ZNF451: variants seen among roughly 807,000 people sequenced by gnomAD.
ZNF451 encodes E3 SUMO-protein ligase ZNF451.
ZNF451 carries 80 observed loss-of-function variants against 107.1 expected under a neutral mutation model. That is an observed-to-expected ratio of 0.75 (90% CI 0.62 to 0.90). The LOEUF (loss-of-function observed/expected upper bound fraction) is 0.90. Ranked by LOEUF, ZNF451 falls within the 40% of genes least tolerant of loss-of-function variation. The probability of loss-of-function intolerance (pLI) is 0.00; values close to 1 mark genes in which losing one functional copy is unlikely to be tolerated. For synonymous variants in ZNF451, 362 were observed against 406.5 expected (o/e 0.89, Z 1.32); for missense variants, 1,107 against 1,236.2 (o/e 0.90, Z 1.57).
rs1593166533 is a variant in ZNF451, at chr6:57,153,804, C to G, written c.2884-57C>G. The G allele has an allele frequency of 1.9e-6, 3 of 1,561,934 alleles. No homozygotes were observed. The African/African-American group carries it at 4.1e-5, about 21-fold the overall frequency. On this transcript the variant is annotated intron_variant, in intron 12 of 14. Transcript: ENST00000370706. ...TGTGTTCATTCTGAAATAGATGTAA[C>G]TTGTTTTGAAACTCATGCTGATTTT...
chr6:57,108,899 C>G, intron 3 of ZNF451: 1 of 985,418 alleles, frequency 1.0e-6, no homozygotes, highest in South Asian at 4.7e-5. Flanking sequence ...GGTGGTGGAA[C>G]TGAGCTTTAA....
At chr6:57,103,592 A>C (rs748366156) in intron 3 of ZNF451, 1 of 985,394 alleles carries the variant, frequency 1.0e-6, no homozygotes. Flanking sequence ...GAATATGTCA[A>C]ATTTGAGGGG....
At chr6:57,165,438 A>ATGATTGAT (rs145906259) in intron 14 of ZNF451, 3 of 151,908 alleles carry the variant, frequency 2.0e-5, no homozygotes, top group African/African-American at 4.8e-5. Flanking sequence ...CTCATACTGG[A>ATGATTGAT]TGATTGATTG....
At chr6:57,109,751 T>C in intron 3 of ZNF451, 1 of 911,846 alleles carries the variant, frequency 1.1e-6, no homozygotes, top group Non-Finnish European at 1.3e-6. Flanking sequence ...TAAGAAATGC[T>C]CATAATAATA....
Position 57,157,485 on chromosome 6 carries a change from T to C in ZNF451, c.3070+3438T>C, listed in dbSNP as rs952089409. ...AAAGGTTAAGTAGCTTTATTACTGG[T>C]ACATTTTTAGGTCTCTGACTTGGTT... On this transcript the variant is annotated intron_variant, in intron 13 of 14. Transcript: ENST00000370706. 7.2e-5 allele frequency among the ~76,000 whole-genome samples: 11 copies of C among 152,194 alleles called. 1 individual carries two copies. Among genetic ancestry groups the C allele is most frequent in the Middle Eastern group, 6.3e-3 (2 of 316 alleles).
intron 7 of ZNF451, among the ~76,000 whole-genome samples, chr6:57,139,774 GGCTTAT>G (rs1194327917): frequency 6.6e-6 from 1 of 152,204 alleles, no homozygotes; most frequent in Admixed American, 6.5e-5. Flanking sequence ...CGAGCACAGT[GGCTTAT>G]GCCTGTAATC....
At chr6:57,103,330 A>C (rs1829694732) in intron 3 of ZNF451, 1 of 985,332 alleles carries the variant, frequency 1.0e-6, no homozygotes, top group Non-Finnish European at 1.2e-6. Flanking sequence ...ATGATTTGAA[A>C]GGCTGAAATC....
intron 4 of ZNF451, among the ~76,000 whole-genome samples, chr6:57,127,923 C>A (rs772855167): frequency 1.3e-5 from 2 of 152,104 alleles, no homozygotes; most frequent in African/African-American, 2.4e-5. Context: ...CTGCTATAAA[C>A]AAAGATTTAT....
At chr6:57,154,322 C>T (rs2127983819) in intron 13 of ZNF451, 2 of 499,250 alleles carry the variant, frequency 4.0e-6, no homozygotes, top group South Asian at 3.8e-5. Context: ...TCATGTGTTA[C>T]AGTATGTTAC....
At chr6:57,121,404 T>C (rs897095325) in intron 3 of ZNF451, among the ~76,000 whole-genome samples, 14 of 152,198 alleles carry the variant, frequency 9.2e-5, no homozygotes, top group Non-Finnish European at 1.5e-5. Context: ...GTTGTTGTTA[T>C]ACAAAAAATA....
At chr6:57,127,873 A>G (rs1216758546) in intron 4 of ZNF451, among the ~76,000 whole-genome samples, 1 of 152,212 alleles carries the variant, frequency 6.6e-6, no homozygotes, top group African/African-American at 2.4e-5. Context: ...GCTTTTAGCA[A>G]TACAGAGCAT....
chr6:57,090,985 A>G, intron 2 of ZNF451, 91 bp downstream of exon 2: 1 of 15,830 alleles, frequency 6.3e-5, no homozygotes, highest in Admixed American at 3.0e-4. Context: ...TTTAATGTTC[A>G]TGAGTGTCTA....
chr6:57,106,631 T>A (rs1388449781), intron 3 of ZNF451: 8 of 984,160 alleles, frequency 8.1e-6, no homozygotes, highest in Admixed American at 1.2e-4. Flanking sequence ...TTTTTTTTTT[T>A]ATGTGAGGCA....
At position 57,105,371 on chromosome 6, in the gene ZNF451, A is replaced by G. The variant is rs1046163830; in HGVS notation, c.186+6230A>G. ...CTGTGTATAGAGAAGTACTGTTTCC[A>G]TTTTTATATGAAGTGCCTTTTTAAT... is the stretch of plus-strand genomic sequence containing the variant. On this transcript the variant is annotated intron_variant, in intron 3 of 14. Coordinates refer to ENST00000370706, the MANE Select transcript of ZNF451 (RefSeq NM_001031623.3). The G allele has an allele frequency of 1.9e-5, 19 of 984,540 alleles. No individual in the cohort carries two copies. The African/African-American group carries it at 3.1e-4, about 16-fold the overall frequency. The allele number at this position is 984,540 out of a possible 1,614,324, so 61.0% of individuals were successfully genotyped here. A position where few individuals can be genotyped will look rare whatever the true frequency, so the allele number is the denominator to read the frequency against.
chr6:57,127,620 A>G (rs1830991711), intron 4 of ZNF451, among the ~76,000 whole-genome samples: 1 of 152,198 alleles, frequency 6.6e-6, no homozygotes, highest in Non-Finnish European at 1.5e-5. Flanking sequence ...TCGTTAGGGC[A>G]TGAATTCTAG....
At chr6:57,134,976 A>G (rs1593136762) in intron 7 of ZNF451, 106 bp downstream of exon 7, 5 of 888,338 alleles carry the variant, frequency 5.6e-6, no homozygotes, top group Non-Finnish European at 8.4e-6. Context: ...AGTGATACAC[A>G]TAAGTATCAA....
At chr6:57,101,786 G>A (rs1386657954) in intron 3 of ZNF451, 6 of 1,550,362 alleles carry the variant, frequency 3.9e-6, no homozygotes, top group Non-Finnish European at 3.5e-6. Context: ...GACTATAGAC[G>A]GCAGGCCTGG....
At chr6:57,104,722 G>A (rs1829767458) in intron 3 of ZNF451, 7 of 985,386 alleles carry the variant, frequency 7.1e-6, no homozygotes, top group Non-Finnish European at 8.4e-6. Context: ...ATATTTGTAA[G>A]ATGATGTTGC....
At chr6:57,161,043 T>C in intron 13 of ZNF451, 41 bp from the exon 14 acceptor site, 1 of 1,328,348 alleles carries the variant, frequency 7.5e-7, no homozygotes, top group Admixed American at 2.4e-5. Flanking sequence ...AATACATAAA[T>C]TTATGGCACA....
Sources: gnomAD v4.1 joint callset for allele counts (sites outside exome capture counted in the v4.1 genomes callset) on GRCh38, gnomAD v4.1.1 for gene constraint, MANE v1.5 for transcripts, NCBI Gene and HGNC (gene_info 2026-07-23, HGNC 2026-07-21) for gene names.